RBFOX1: variants seen among roughly 807,000 people sequenced by gnomAD.
RBFOX1 encodes the protein RNA binding fox-1 homolog 1, also known as RNA binding protein fox-1 homolog 1.
A neutral mutation model predicts 57.7 loss-of-function variants in RBFOX1; 8 were observed. The observed-to-expected ratio is 0.14, with a 90% CI of 0.08 to 0.25. The LOEUF (loss-of-function observed/expected upper bound fraction) is 0.25. Ranked by LOEUF, RBFOX1 falls within the 10% of genes least tolerant of loss-of-function variation. The pLI is 1.00. For missense variants in RBFOX1, 611 were observed against 548.5 expected, an observed-to-expected ratio of 1.11 and a Z score of -1.14; for synonymous variants, 326 against 222.4, an observed-to-expected ratio of 1.47 and a Z score of -4.15.
At chr16:5,611,705 C>CCCATCCGTCCATCTATCCATCCATCCAT (rs772335203) in intron 3 of RBFOX1, among the ~76,000 whole-genome samples, 1,891 of 100,014 alleles carry the variant, frequency 0.019, 45 homozygotes, top group Middle Eastern at 0.053. Context: ...CACCCACTCT[C>CCCATCCGTCCATCTATCCATCCATCCAT]CCATCCATCC....
chr16:5,750,351 A>T (rs1047710297), intron 3 of RBFOX1, among the ~76,000 whole-genome samples: 1 of 152,200 alleles, frequency 6.6e-6, no homozygotes, highest in Non-Finnish European at 1.5e-5. Context: ...CCATTCTCAG[A>T]TGTCAAACTC....
At chr16:6,713,620 C>G (rs1320559272) in intron 3 of RBFOX1, among the ~76,000 whole-genome samples, 1 of 152,124 alleles carries the variant, frequency 6.6e-6, no homozygotes, top group Non-Finnish European at 1.5e-5. Context: ...TCCTTCCTTT[C>G]TCCATTGGGA....
chr16:5,941,608 C>T (rs1241364397), intron 4 of RBFOX1, among the ~76,000 whole-genome samples: 4 of 152,070 alleles, frequency 2.6e-5, no homozygotes, highest in African/African-American at 4.8e-5. Context: ...ATACCTGGCA[C>T]ATAATATGTG....
intron 14 of RBFOX1, among the ~76,000 whole-genome samples, chr16:7,696,148 G>A (rs1339714294): frequency 6.6e-6 from 1 of 152,116 alleles, no homozygotes; most frequent in African/African-American, 2.4e-5. Context: ...TGTGGTCTGT[G>A]AGACTAATTT....
At chr16:6,424,919 A>G (rs184237250) in intron 2 of RBFOX1, among the ~76,000 whole-genome samples, 1 of 152,302 alleles carries the variant, frequency 6.6e-6, no homozygotes, top group African/African-American at 2.4e-5. Context: ...TGAAAAGGCT[A>G]TCTATAGATA....
At chr16:7,338,994 C>G (rs1603624504) in intron 4 of RBFOX1, among the ~76,000 whole-genome samples, 1 of 152,184 alleles carries the variant, frequency 6.6e-6, no homozygotes, top group Non-Finnish European at 1.5e-5. Flanking sequence ...ATCTTAGTCA[C>G]TAAGCGGACT....
intron 2 of RBFOX1, among the ~76,000 whole-genome samples, chr16:6,363,359 G>A (rs2088964478): frequency 1.3e-5 from 2 of 152,174 alleles, no homozygotes; most frequent in Non-Finnish European, 2.9e-5. Context: ...TATTTAAACA[G>A]ACTAGGCACC....
At chr16:7,026,237 C>G (rs2040888794) in intron 3 of RBFOX1, among the ~76,000 whole-genome samples, 1 of 152,140 alleles carries the variant, frequency 6.6e-6, no homozygotes, top group Admixed American at 6.5e-5. Context: ...GGCCAACACC[C>G]ATGAAGCTGC....
chr16:6,316,018 C>G (rs1163891268), intron 1 of RBFOX1, among the ~76,000 whole-genome samples: 2 of 152,040 alleles, frequency 1.3e-5, no homozygotes, highest in African/African-American at 4.8e-5. Flanking sequence ...TAAAATTTAC[C>G]TCTAAATCTT....
intron 5 of RBFOX1, among the ~76,000 whole-genome samples, chr16:7,535,380 G>A (rs1465748162): frequency 6.6e-6 from 1 of 152,190 alleles, no homozygotes; most frequent in Non-Finnish European, 1.5e-5. Context: ...TCACAGCGAG[G>A]ATGTTGGCCA....
intron 1 of RBFOX1, among the ~76,000 whole-genome samples, chr16:6,265,589 A>G (rs981538096): frequency 1.3e-5 from 2 of 152,152 alleles, no homozygotes; most frequent in Non-Finnish European, 2.9e-5. Context: ...AGCTTACAAC[A>G]TTTATTAAAC....
intron 1 of RBFOX1, among the ~76,000 whole-genome samples, chr16:6,176,271 G>T (rs1031547456): frequency 6.7e-6 from 1 of 149,576 alleles, no homozygotes; most frequent in African/African-American, 2.5e-5. Flanking sequence ...TCAGCCTCCC[G>T]AGTAGCTGGG....
At chr16:7,168,671 C>G (rs1034213264) in intron 4 of RBFOX1, among the ~76,000 whole-genome samples, 1 of 152,112 alleles carries the variant, frequency 6.6e-6, no homozygotes, top group Non-Finnish European at 1.5e-5. Context: ...CACTTCTAGC[C>G]ATAACTTCCT....
chr16:6,501,019 C>T (rs2095901510), intron 2 of RBFOX1, among the ~76,000 whole-genome samples: 1 of 151,548 alleles, frequency 6.6e-6, no homozygotes, highest in Admixed American at 6.6e-5. Context: ...AGAGCTACTT[C>T]AGCAGGGTAG....
chr16:7,144,605 A>T (rs1278167991), intron 4 of RBFOX1, among the ~76,000 whole-genome samples: 3 of 151,150 alleles, frequency 2.0e-5, no homozygotes, highest in Non-Finnish European at 4.4e-5. Context: ...CCTATTTAGA[A>T]AGTTCAAGTC....
At chr16:5,662,465 G>C (rs936523963) in intron 3 of RBFOX1, among the ~76,000 whole-genome samples, 14 of 152,134 alleles carry the variant, frequency 9.2e-5, no homozygotes, top group African/African-American at 3.4e-4. Context: ...ACACTCATAA[G>C]AAAATGAGAG....
At chr16:5,558,047 C>G (rs2045746114) in intron 2 of RBFOX1, among the ~76,000 whole-genome samples, 1 of 152,308 alleles carries the variant, frequency 6.6e-6, no homozygotes, top group Non-Finnish European at 1.5e-5. Flanking sequence ...TGCCTTCCCA[C>G]TCTATCCCCC....
At position 6,326,837 on chromosome 16, in the gene RBFOX1, G is replaced by T. The variant is rs540504973; in HGVS notation, c.-64+9780G>T. Among the ~76,000 whole-genome samples the T allele has an allele frequency of 1.2e-4, 19 of 152,262 alleles. No homozygotes were observed. In the East Asian group the frequency reaches 3.7e-3, roughly 29 times the overall value. ...TGCCTTCACAACCCCAGAGCAGATG[G>T]CCCGAGAGCATAATCACACACTACA... is the stretch of plus-strand genomic sequence containing the variant. On this transcript the variant is annotated intron_variant, in intron 2 of 15. Coordinates refer to ENST00000550418, the MANE Select transcript of RBFOX1 (RefSeq NM_018723.4).
rs147754104 is a variant in RBFOX1 at position 5,631,891 on chromosome 16, G to A, written c.318+32930G>A. ...ATCATTTTCTGGGATGGACACTGGGGTGTTCACTAGGGTCAGGTGAATGAT... is the reference window on the plus strand; with the variant it reads ...ATCATTTTCTGGGATGGACACTGGGATGTTCACTAGGGTCAGGTGAATGAT... On this transcript the variant is annotated intron_variant, in intron 3 of 19. Coordinates refer to the RBFOX1 transcript ENST00000641259. Among the ~76,000 whole-genome samples the A allele has an allele frequency of 3.9e-3, 588 of 152,328 alleles. 5 individuals carry two copies. The highest frequency in any genetic ancestry group is 0.013 in the African/African-American group (536 of 41,580).
Sources: gnomAD v4.1 joint callset for allele counts (sites outside exome capture counted in the v4.1 genomes callset) on GRCh38, gnomAD v4.1.1 for gene constraint, MANE v1.5 for transcripts, NCBI Gene and HGNC (gene_info 2026-07-23, HGNC 2026-07-21) for gene names.